Variants in TSHR observed in about 807,000 individuals in gnomAD.
TSHR encodes thyroid stimulating hormone receptor.
TSHR carries 51 observed loss-of-function variants against 64.1 expected under a neutral mutation model. The ratio of observed to expected loss-of-function variants is 0.80; its 90% CI spans 0.64 to 1.01. The LOEUF (loss-of-function observed/expected upper bound fraction) is 1.01, where lower values mean the gene tolerates loss of function less well. Among genes scored for constraint, TSHR ranks in the 50% least tolerant of loss-of-function variants. The pLI, the probability that TSHR is intolerant of heterozygous loss-of-function variation, is 0.00. For missense variants in TSHR, 877 were observed against 942.8 expected, an observed-to-expected ratio of 0.93 and a Z score of 0.91; for synonymous variants, 361 against 361.9, an observed-to-expected ratio of 1.00 and a Z score of 0.03.
intron 1 of TSHR, among the ~76,000 whole-genome samples, chr14:80,968,876 A>C (rs1390557798): frequency 6.6e-6 from 1 of 152,146 alleles, no homozygotes; most frequent in African/African-American, 2.4e-5. Flanking sequence ...CTAGCATGAG[A>C]AGCTCAAATG....
chr14:80,982,821 T>C, intron 1 of TSHR: 1 of 519,476 alleles, frequency 1.9e-6, no homozygotes, highest in Non-Finnish European at 3.5e-6. Flanking sequence ...AGCCCATCCC[T>C]GAGTGTCCTT....
At chr14:81,078,054 A>T (rs1484342606) in intron 3 of TSHR, among the ~76,000 whole-genome samples, 1 of 151,330 alleles carries the variant, frequency 6.6e-6, no homozygotes, top group African/African-American at 2.5e-5. Flanking sequence ...TTATTATGTT[A>T]ACTTTAAAGA....
At chr14:80,982,509 T>C in intron 1 of TSHR, 1 of 1,042,018 alleles carries the variant, frequency 9.6e-7, no homozygotes, top group Non-Finnish European at 1.3e-6. Flanking sequence ...AGAATGTCAT[T>C]GGGAACTGGT....
intron 8 of TSHR, among the ~76,000 whole-genome samples, chr14:81,117,801 G>A (rs1381530204): frequency 2.1e-5 from 1 of 48,488 alleles, no homozygotes; most frequent in Non-Finnish European, 3.8e-5. Flanking sequence ...AATGAATCCA[G>A]CAGCACATCA....
chr14:81,144,787 G>A lies in TSHR; in HGVS notation c.*434G>A, dbSNP rs1891868636. ...ACAAGATAAAATCAGTCCCACGTTGGCTCAGTTCAACTAGATGTTCCCTGA... is the reference window on the plus strand; with the variant it reads ...ACAAGATAAAATCAGTCCCACGTTGACTCAGTTCAACTAGATGTTCCCTGA... On this transcript the variant is annotated 3_prime_UTR_variant, in exon 10 of 10. Coordinates refer to ENST00000298171, the MANE Select transcript of TSHR (RefSeq NM_000369.5). 2 of 248,132 alleles carry A rather than the reference G, an allele frequency of 8.1e-6. No homozygotes were observed. Among genetic ancestry groups the A allele is most frequent in the South Asian group, 2.8e-4 (2 of 7,078 alleles). The allele number at this position is 248,132 out of a possible 1,614,324, so 15.4% of individuals were successfully genotyped here.
chr14:81,101,683 A>T (rs1889589814), intron 7 of TSHR, among the ~76,000 whole-genome samples: 1 of 152,168 alleles, frequency 6.6e-6, no homozygotes, highest in African/African-American at 2.4e-5. Context: ...CGTCACCCCA[A>T]CATGGGACAC....
intron 5 of TSHR, 118 bp downstream of exon 5, chr14:81,091,261 T>C: frequency 2.2e-6 from 2 of 898,044 alleles, no homozygotes; most frequent in South Asian, 2.7e-5. Flanking sequence ...GAGTAAGCAA[T>C]GATCAGGTGT....
intron 1 of TSHR, chr14:80,983,080 T>C: frequency 6.4e-6 from 4 of 624,554 alleles, no homozygotes; most frequent in Non-Finnish European, 1.1e-5. Context: ...TGAAATGGTA[T>C]AATGATGCTT....
chr14:80,969,697 G>A (rs2139699985), intron 1 of TSHR, among the ~76,000 whole-genome samples: 1 of 152,268 alleles, frequency 6.6e-6, no homozygotes, highest in South Asian at 2.1e-4. Context: ...CTCCAAAACT[G>A]GATGGCATTT....
chr14:81,121,799 AG>A, intron 8 of TSHR, among the ~76,000 whole-genome samples: 1 of 151,714 alleles, frequency 6.6e-6, no homozygotes, highest in East Asian at 2.0e-4. Flanking sequence ...AAAATTAGCC[AG>A]GCATGTTGGT....
At position 81,117,325 on chromosome 14, in the gene TSHR, A is replaced by T. The variant is rs554072779; in HGVS notation, c.692+8873A>T. On this transcript the variant is annotated intron_variant, in intron 8 of 9. Coordinates refer to ENST00000298171, the MANE Select transcript of TSHR (RefSeq NM_000369.5). ...AAAAAAAGAGAGAAGAATCAAATAG[A>T]CGCAATAAAAAATGATAAAGGGGAT... Among the ~76,000 whole-genome samples the T allele has an allele frequency of 3.4e-3, 405 of 119,406 alleles. 2 individuals carry two copies. The highest frequency in any genetic ancestry group is 0.015 in the African/African-American group (353 of 24,080). The allele number at this position is 119,406 out of a possible 152,430, so 78.3% of individuals were successfully genotyped here.
chr14:81,070,263 A>G (rs147492183), intron 3 of TSHR, among the ~76,000 whole-genome samples: 286 of 152,312 alleles, frequency 1.9e-3, no homozygotes, highest in African/African-American at 6.8e-3. Flanking sequence ...CCGAAAGGAT[A>G]AATACGAAGA....
intron 1 of TSHR, among the ~76,000 whole-genome samples, chr14:81,006,871 G>A (rs1889634940): frequency 6.6e-6 from 1 of 152,082 alleles, no homozygotes; most frequent in Admixed American, 6.6e-5. Context: ...AAATTTGGAT[G>A]GGGACACAAG....
At chr14:81,114,193 G>T (rs1890365238) in intron 8 of TSHR, among the ~76,000 whole-genome samples, 1 of 151,784 alleles carries the variant, frequency 6.6e-6, no homozygotes, top group Non-Finnish European at 1.5e-5. Context: ...GGCCGAATAG[G>T]AACAGCTCCG....
At chr14:81,044,671 A>C (rs113307482) in intron 1 of TSHR, among the ~76,000 whole-genome samples, 1 of 138,110 alleles carries the variant, frequency 7.2e-6, no homozygotes, top group African/African-American at 2.5e-5. Flanking sequence ...AAAAAAAAAA[A>C]AAACACACAC....
chr14:81,066,651 G>T (rs1030600691), intron 2 of TSHR, among the ~76,000 whole-genome samples: 5 of 152,122 alleles, frequency 3.3e-5, no homozygotes, highest in African/African-American at 1.2e-4. Flanking sequence ...ATAGGTCAGT[G>T]GTTCTCAACA....
At chr14:81,027,586 C>G (rs1293696331) in intron 1 of TSHR, among the ~76,000 whole-genome samples, 2 of 151,968 alleles carry the variant, frequency 1.3e-5, no homozygotes, top group Non-Finnish European at 2.9e-5. Flanking sequence ...AAGTATGACC[C>G]CTAAATTATA....
intron 1 of TSHR, chr14:81,001,266 G>T (rs1377940199): frequency 4.8e-6 from 1 of 206,302 alleles, no homozygotes; most frequent in African/African-American, 2.3e-5. Context: ...CAGCACAAAA[G>T]AAACTTACTG....
At chr14:81,104,532 GT>G in intron 7 of TSHR, 1 of 985,336 alleles carries the variant, frequency 1.0e-6, no homozygotes, top group Non-Finnish European at 1.2e-6. Flanking sequence ...GGTATAGAGG[GT>G]GCCTCTTTCT....
Sources: gnomAD v4.1 joint callset for allele counts (sites outside exome capture counted in the v4.1 genomes callset) on GRCh38, gnomAD v4.1.1 for gene constraint, MANE v1.5 for transcripts, NCBI Gene and HGNC (gene_info 2026-07-23, HGNC 2026-07-21) for gene names.